The following CSRP2 variants were observed in gnomAD, a reference collection of about 807,000 sequenced individuals.
CSRP2 encodes the protein cysteine and glycine-rich protein 2.
Under a neutral mutation model 24.6 loss-of-function variants are expected in CSRP2, and 18 were observed. The ratio of observed to expected loss-of-function variants is 0.73; its 90% CI spans 0.51 to 1.09. The LOEUF (loss-of-function observed/expected upper bound fraction) is 1.09, where lower values mean the gene tolerates loss of function less well. CSRP2 is among the 50% of genes least tolerant of loss of function. The probability of loss-of-function intolerance (pLI) is 0.00; values close to 1 mark genes in which losing one functional copy is unlikely to be tolerated. For missense variants in CSRP2, 215 were observed against 239.4 expected (o/e 0.90, Z 0.67); for synonymous variants, 87 against 84.3 (o/e 1.03, Z -0.18).
chr12:76,868,227 T>A (rs1953754366), intron 1 of CSRP2, among the ~76,000 whole-genome samples: 1 of 152,096 alleles, frequency 6.6e-6, no homozygotes, highest in South Asian at 2.1e-4. Context: ...TTGAACAGAG[T>A]CATCAGTCTG....
Position 76,877,947 on chromosome 12 carries a change from C to A in CSRP2, c.-2+991G>T, listed in dbSNP as rs184318661. ...TTTCGCTGCCCGGGTTAAAAAATTA[C>A]TAACTGCCCCCGCCCCACCCCCCCA... On this transcript the variant is annotated intron_variant, in intron 1 of 5. Coordinates refer to ENST00000311083, the MANE Select transcript of CSRP2 (RefSeq NM_001321.3). Among the ~76,000 whole-genome samples the A allele has an allele frequency of 2.1e-4, 32 of 151,570 alleles. No homozygotes were observed. In the East Asian group the frequency reaches 5.3e-3, roughly 25 times the overall value.
At position 76,859,560 on chromosome 12, in the gene CSRP2, T is replaced by G. The variant is rs1432417916; in HGVS notation, c.492A>C (p.Glu164Asp). Residue 164 changes from glutamate (E) to aspartate (D), a missense_variant, in exon 5 of 6, where the codon GAA (glutamate) becomes GAC (aspartate). Physicochemically the swap from Glu to Asp is conservative, Grantham distance 45. Coordinates refer to ENST00000311083, the MANE Select transcript of CSRP2 (RefSeq NM_001321.3). ...ESTTLTEKEG[E>D]IYCKGCYAKN... Reference sequence around the variant, plus strand: ...AATGAATTTTACCTTTACAATAGATTTCACCTTCTTTTTCAGTCAGAGTTG... The same window carrying G: ...AATGAATTTTACCTTTACAATAGATGTCACCTTCTTTTTCAGTCAGAGTTG... 6.2e-7 allele frequency: 1 copy of G among 1,612,700 alleles called. No individual in the cohort carries two copies.
intron 1 of CSRP2, among the ~76,000 whole-genome samples, chr12:76,878,709 G>A (rs1229448893): frequency 2.0e-5 from 3 of 152,238 alleles, no homozygotes; most frequent in Admixed American, 6.5e-5. Context: ...TGGCCTGGAC[G>A]GCCTCGGGGA....
At chr12:76,872,635 C>T (rs929266543) in intron 1 of CSRP2, among the ~76,000 whole-genome samples, 2 of 152,296 alleles carry the variant, frequency 1.3e-5, no homozygotes, top group African/African-American at 2.4e-5. Flanking sequence ...TCTTGGGCTA[C>T]GTGAATGACA....
intron 1 of CSRP2, among the ~76,000 whole-genome samples, chr12:76,868,372 G>A (rs1310179792): frequency 6.6e-6 from 1 of 152,124 alleles, no homozygotes; most frequent in African/African-American, 2.4e-5. Context: ...ACTGAATCCT[G>A]GGGCGAGTCT....
chr12:76,878,014 G>A (rs1953869480), intron 1 of CSRP2, among the ~76,000 whole-genome samples: 1 of 119,240 alleles, frequency 8.4e-6, no homozygotes, highest in Non-Finnish European at 1.6e-5. Context: ...TTTATAAAGG[G>A]AAAATGTGCT....
intron 1 of CSRP2, among the ~76,000 whole-genome samples, chr12:76,868,230 T>C (rs1318319935): frequency 1.3e-5 from 2 of 152,188 alleles, no homozygotes; most frequent in Non-Finnish European, 2.9e-5. Context: ...AACAGAGTCA[T>C]CAGTCTGTAC....
At chr12:76,866,910 G>C (rs778772330) in intron 1 of CSRP2, among the ~76,000 whole-genome samples, 7 of 152,112 alleles carry the variant, frequency 4.6e-5, no homozygotes. Context: ...CATCCAGATG[G>C]CTCCGGCTTA....
chr12:76,859,709 A>C, intron 4 of CSRP2, 69 bp from the exon 5 acceptor site: 1 of 1,168,320 alleles, frequency 8.6e-7, no homozygotes, highest in Non-Finnish European at 1.2e-6. Flanking sequence ...GATGTATGGC[A>C]AGAAGTGGCT....
In CSRP2 at chr12:76,860,422, A is replaced by T. The variant is rs201480928; in HGVS notation, c.282-9T>A. On this transcript the variant is annotated splice_polypyrimidine_tract_variant and intron_variant, in intron 3 of 5. Coordinates refer to ENST00000311083, the MANE Select transcript of CSRP2 (RefSeq NM_001321.3). ...GCCTGTGAGGCTGAACACTTGTGAA[A>T]AGAGGAAAAAAAAAGTAGGCAAGAG... 596 of 1,561,064 alleles carry T rather than the reference A, an allele frequency of 3.8e-4. 2 individuals carry two copies. The African/African-American group carries it at 8.0e-3, about 21-fold the overall frequency.
chr12:76,874,171 C>T (rs1953829554), intron 1 of CSRP2, among the ~76,000 whole-genome samples: 1 of 152,212 alleles, frequency 6.6e-6, no homozygotes, highest in African/African-American at 2.4e-5. Flanking sequence ...TCTTGCAGAT[C>T]CACTGAGAGT....
rs78030929 is a variant in CSRP2 at position 76,868,262 on chromosome 12, C to T, written c.-1-2001G>A. On this transcript the variant is annotated intron_variant, in intron 1 of 5. Transcript: ENST00000311083. ...GTACTTGGAAATTAAAAATAACAGT[C>T]CTTTACTGATATGGTTTGGCTGTGT... 3.1e-3 allele frequency among the ~76,000 whole-genome samples: 479 copies of T among 152,254 alleles called. 1 individual carries two copies. Among genetic ancestry groups the T allele is most frequent in the African/African-American group, 0.011 (456 of 41,540 alleles).
At chr12:76,868,846 T>C (rs1023661965) in intron 1 of CSRP2, among the ~76,000 whole-genome samples, 3 of 148,908 alleles carry the variant, frequency 2.0e-5, no homozygotes, top group Non-Finnish European at 4.4e-5. Flanking sequence ...GGCAGGAGAA[T>C]AGCGTGAACC....
intron 3 of CSRP2, chr12:76,861,184 G>A (rs557155248): frequency 6.6e-6 from 1 of 150,990 alleles, no homozygotes; most frequent in Non-Finnish European, 1.5e-5. Context: ...AGCCCTCTTA[G>A]AACCTTATAA....
chr12:76,877,744 A>T (rs1204234098), intron 1 of CSRP2, among the ~76,000 whole-genome samples: 1 of 152,200 alleles, frequency 6.6e-6, no homozygotes, highest in Admixed American at 6.5e-5. Flanking sequence ...GTAGCTTGGC[A>T]TGCAGTTCTG....
intron 1 of CSRP2, among the ~76,000 whole-genome samples, chr12:76,866,570 TAAGA>T (rs1953738354): frequency 6.6e-6 from 1 of 152,114 alleles, no homozygotes; most frequent in African/African-American, 2.4e-5. Context: ...CCACAGGAGT[TAAGA>T]AAGAAGCGTG....
At chr12:76,876,174 G>C (rs1442717519) in intron 1 of CSRP2, among the ~76,000 whole-genome samples, 1 of 152,172 alleles carries the variant, frequency 6.6e-6, no homozygotes, top group African/African-American at 2.4e-5. Flanking sequence ...TTCCTATAGT[G>C]AACTGGGAAG....
chr12:76,860,652 C>T lies in CSRP2; in HGVS notation c.282-239G>A, dbSNP rs1177091037. The T allele has an allele frequency of 9.4e-5, 35 of 373,188 alleles. 1 individual carries two copies. The highest frequency in any genetic ancestry group is 8.4e-4 in the East Asian group (20 of 23,748). The allele number at this position is 373,188 out of a possible 1,614,324, so 23.1% of individuals were successfully genotyped here. On this transcript the variant is annotated intron_variant, in intron 3 of 5. Coordinates refer to ENST00000311083, the MANE Select transcript of CSRP2 (RefSeq NM_001321.3). ...TCAAAAAACCAGATAGGGACCCAAA[C>T]GTAAAGATCTGTCCCTCTGAGTCTA...
Position 76,860,360 on chromosome 12 carries a change from T to A in CSRP2, c.335A>T (p.Lys112Ile), listed in dbSNP as rs1225637429. 6 of 1,614,120 alleles carry A rather than the reference T, an allele frequency of 3.7e-6. No homozygotes were observed. The highest frequency in any genetic ancestry group is 5.1e-6 in the Non-Finnish European group (6 of 1,180,000). ...TNPNTSKFAQKYGGAEKCSRC... is the reference protein window; with the variant it reads ...TNPNTSKFAQIYGGAEKCSRC... ...GGAACACTTCTCAGCACCTCCATATTTCTGAGCAAATTTAGAAGTGTTTGG... is the reference window on the plus strand; with the variant it reads ...GGAACACTTCTCAGCACCTCCATATATCTGAGCAAATTTAGAAGTGTTTGG... The change falls in exon 4 of 6, where the codon AAA becomes ATA. Residue 112 changes from lysine (K) to isoleucine (I), a missense_variant. By Grantham distance (102) the Lys-to-Ile change is moderately radical (BLOSUM62 -3). Coordinates refer to ENST00000311083, the MANE Select transcript of CSRP2 (RefSeq NM_001321.3).
Sources: gnomAD v4.1 joint callset for allele counts (sites outside exome capture counted in the v4.1 genomes callset) on GRCh38, gnomAD v4.1.1 for gene constraint, MANE v1.5 for transcripts, NCBI Gene and HGNC (gene_info 2026-07-23, HGNC 2026-07-21) for gene names.